The following DIAPH1 variants were observed in gnomAD, a reference collection of about 807,000 sequenced individuals.
The protein encoded by DIAPH1 is protein diaphanous homolog 1.
Under a neutral mutation model 140.7 loss-of-function variants are expected in DIAPH1, and 46 were observed. The ratio of observed to expected loss-of-function variants is 0.33; its 90% CI spans 0.26 to 0.42. DIAPH1 has a LOEUF of 0.42. DIAPH1 is among the 10% of genes least tolerant of loss of function. The pLI is 1.00. For synonymous variants in DIAPH1, 565 were observed against 551.6 expected (o/e 1.02, Z -0.34); for missense variants, 1,310 against 1,558.7 (o/e 0.84, Z 2.69).
intron 1 of DIAPH1, among the ~76,000 whole-genome samples, chr5:141,592,759 C>A (rs1261666414): frequency 6.6e-6 from 1 of 152,180 alleles, no homozygotes; most frequent in Non-Finnish European, 1.5e-5. Context: ...GAGTCCTCCA[C>A]TAAACATTAG....
Position 141,579,070 on chromosome 5 carries a change from T to C in DIAPH1, c.933+18A>G, listed in dbSNP as rs1364962798. Reference sequence around the variant, plus strand: ...CTTGAATTCTATTCTTGGGCCCAGTTTCAGGGGATATACATGCCTTCAGTG... The same window carrying C: ...CTTGAATTCTATTCTTGGGCCCAGTCTCAGGGGATATACATGCCTTCAGTG... On this transcript the variant is annotated intron_variant, in intron 9 of 27. Coordinates refer to ENST00000389054, the MANE Select transcript of DIAPH1 (RefSeq NM_005219.5). 2 of 1,588,764 alleles carry C rather than the reference T, an allele frequency of 1.3e-6. No individual in the cohort carries two copies. Among genetic ancestry groups the C allele is most frequent in the African/African-American group, 2.7e-5 (2 of 74,452 alleles).
intron 18 of DIAPH1, among the ~76,000 whole-genome samples, chr5:141,556,792 A>C (rs928039217): frequency 2.0e-5 from 3 of 152,194 alleles, no homozygotes; most frequent in African/African-American, 7.2e-5. Flanking sequence ...CCCGGGTTCA[A>C]GCAATTCTCC....
At chr5:141,578,769 A>G (rs2099896322) in intron 9 of DIAPH1, 144 bp from the exon 10 acceptor site, 15 of 712,272 alleles carry the variant, frequency 2.1e-5, no homozygotes, top group Non-Finnish European at 2.5e-6. Context: ...TACTATAGCA[A>G]TGAGACCTGG....
At chr5:141,519,269 C>T (rs1596332435) in intron 27 of DIAPH1, among the ~76,000 whole-genome samples, 2 of 152,306 alleles carry the variant, frequency 1.3e-5, no homozygotes, top group South Asian at 2.1e-4. Flanking sequence ...TTCTGAAGTA[C>T]TCCCTCTCTA....
chr5:141,615,254 T>G (rs1040544491), intron 1 of DIAPH1, among the ~76,000 whole-genome samples: 11 of 149,322 alleles, frequency 7.4e-5, no homozygotes, highest in African/African-American at 2.5e-4. Flanking sequence ...GCCAACATGG[T>G]GAAACCAGTC....
At chr5:141,519,020 G>C (rs1408008282) in intron 27 of DIAPH1, 6 of 1,549,340 alleles carry the variant, frequency 3.9e-6, no homozygotes, top group Non-Finnish European at 3.5e-6. Context: ...AAAGAATAGT[G>C]AAGACCCTGA....
At position 141,528,696 on chromosome 5, in the gene DIAPH1, G is replaced by A. The variant is rs2154594997; in HGVS notation, c.3018+6C>T. The A allele has an allele frequency of 3.7e-6, 6 of 1,614,166 alleles. No individual in the cohort carries two copies. Among genetic ancestry groups the A allele is most frequent in the Non-Finnish European group, 5.1e-6 (6 of 1,180,022 alleles). The stretch of plus-strand genomic sequence containing the variant: ...TGTGTTGTCCTGCCCTACCTCTTTG[G>A]CTCACCTTACAGAGGAAGCTGATAT... On this transcript the variant is annotated splice_donor_region_variant and intron_variant, in intron 22 of 27. Coordinates refer to ENST00000389054, the MANE Select transcript of DIAPH1 (RefSeq NM_005219.5).
chr5:141,527,460 G>T, intron 24 of DIAPH1, 113 bp downstream of exon 24: 1 of 1,200,708 alleles, frequency 8.3e-7, no homozygotes, highest in Non-Finnish European at 1.2e-6. Context: ...AAGAAAAAGA[G>T]TTTTTTAAGA....
Position 141,574,085 on chromosome 5 carries a change from G to T in DIAPH1, c.1765C>A (p.Pro589Thr). Reference protein sequence around the residue: ...RAPVPPAPPLPGDSGTIIPPP... With the variant: ...RAPVPPAPPLTGDSGTIIPPP... Reference sequence around the variant, plus strand: ...GGAATAATAGTGCCAGAGTCACCAGGTAAAGGAGGGGCAGGGGGAACAGGA... The same window carrying T: ...GGAATAATAGTGCCAGAGTCACCAGTTAAAGGAGGGGCAGGGGGAACAGGA... The change falls in exon 16 of 28, where the codon CCT (proline) becomes ACT (threonine). Residue 589 changes from proline (P) to threonine (T), a missense_variant. By Grantham distance (38) the Pro-to-Thr change is conservative. This residue lies in a region of DIAPH1 where 589 missense variants were observed against 549.3 expected (regional missense o/e 1.07). Coordinates refer to ENST00000389054, the MANE Select transcript of DIAPH1 (RefSeq NM_005219.5). 6.2e-7 allele frequency: 1 copy of T among 1,613,124 alleles called. No homozygotes were observed. The highest frequency in any genetic ancestry group is 8.5e-7 in the Non-Finnish European group (1 of 1,179,632).
intron 18 of DIAPH1, chr5:141,564,346 T>C (rs2099894056): frequency 6.6e-6 from 1 of 152,206 alleles, no homozygotes; most frequent in African/African-American, 2.4e-5. Context: ...CGTGATGACA[T>C]CACTACCAAA....
In DIAPH1 at chr5:141,614,064, A is replaced by AT. The variant is rs538657805; in HGVS notation, c.117+4733dup. 3.8e-3 allele frequency among the ~76,000 whole-genome samples: 582 copies of AT among 152,324 alleles called. 5 individuals are homozygous for AT. The highest frequency in any genetic ancestry group is 0.011 in the Admixed American group (168 of 15,304). On this transcript the variant is annotated intron_variant, in intron 1 of 27. Transcript: ENST00000389054. ...ATGCTTTGCTGGTAGCATAAAATGAATTTTTTGCCTACTGCTTTCAAACAA... is the reference window on the plus strand; with the variant it reads ...ATGCTTTGCTGGTAGCATAAAATGAATTTTTTTGCCTACTGCTTTCAAACAA...
intron 3 of DIAPH1, among the ~76,000 whole-genome samples, chr5:141,584,829 G>A (rs1170636169): frequency 6.6e-6 from 1 of 152,212 alleles, no homozygotes; most frequent in Non-Finnish European, 1.5e-5. Context: ...GTACCTTGGT[G>A]TGCACAAATT....
intron 1 of DIAPH1, among the ~76,000 whole-genome samples, chr5:141,597,343 T>C (rs930698069): frequency 1.3e-5 from 2 of 152,150 alleles, no homozygotes; most frequent in Non-Finnish European, 2.9e-5. Flanking sequence ...AACAGCTGGG[T>C]GGCAATGGAA....
chr5:141,607,215 T>C (rs938029105), intron 1 of DIAPH1, among the ~76,000 whole-genome samples: 31 of 152,164 alleles, frequency 2.0e-4, no homozygotes, highest in African/African-American at 7.5e-4. Flanking sequence ...TAAATCGTAC[T>C]GTATTAAAGA....
chr5:141,615,730 G>T (rs567837465), intron 1 of DIAPH1, among the ~76,000 whole-genome samples: 1 of 151,972 alleles, frequency 6.6e-6, no homozygotes, highest in African/African-American at 2.4e-5. Context: ...GCAACAGAGC[G>T]AGACTCCATC....
chr5:141,520,027 A>G (rs1353573177), intron 27 of DIAPH1, among the ~76,000 whole-genome samples: 1 of 152,160 alleles, frequency 6.6e-6, no homozygotes, highest in African/African-American at 2.4e-5. Context: ...CACCAGCAAA[A>G]TCAACCATAT....
intron 18 of DIAPH1, among the ~76,000 whole-genome samples, chr5:141,540,857 C>A (rs776591209): frequency 6.6e-6 from 1 of 151,586 alleles, no homozygotes; most frequent in African/African-American, 2.4e-5. Flanking sequence ...CTCAGGAGTT[C>A]GAGACCACCC....
rs186524398 is a variant in DIAPH1, at chr5:141,573,232, C to T, written c.2358+260G>A. On this transcript the variant is annotated intron_variant, in intron 16 of 27. Transcript: ENST00000389054. The stretch of plus-strand genomic sequence containing the variant: ...CGGGCGGATCACGAGGTCAGGAGAT[C>T]GAGACCATCCTGGCTAACACGGTGA... Among the ~76,000 whole-genome samples the T allele has an allele frequency of 5.5e-3, 834 of 151,900 alleles. 2 individuals are homozygous for T. Among genetic ancestry groups the T allele is most frequent in the Non-Finnish European group, 9.9e-3 (671 of 67,942 alleles).
chr5:141,597,928 C>T (rs753896700), intron 1 of DIAPH1, among the ~76,000 whole-genome samples: 19 of 152,214 alleles, frequency 1.2e-4, no homozygotes, highest in Non-Finnish European at 2.4e-4. Flanking sequence ...GCAGAAAATA[C>T]AGAGCAGTGT....
Sources: allele counts gnomAD v4.1 joint callset (sites outside exome capture counted in the v4.1 genomes callset), GRCh38; gene constraint gnomAD v4.1.1; regional missense constraint gnomAD v4.1.1; transcripts MANE v1.5; gene names NCBI Gene and HGNC (gene_info 2026-07-23, HGNC 2026-07-21).